Variants in CDH18 observed in about 807,000 individuals in gnomAD.
CDH18 encodes the protein cadherin-18.
CDH18 carries 31 observed loss-of-function variants against 67.9 expected under a neutral mutation model. That is an observed-to-expected ratio of 0.46 (90% confidence interval 0.34 to 0.62). The LOEUF (loss-of-function observed/expected upper bound fraction) is 0.62, where lower values mean the gene tolerates loss of function less well. Ranked by LOEUF, CDH18 falls within the 20% of genes least tolerant of loss-of-function variation. The pLI is 0.01. For missense variants in CDH18, 890 were observed against 975.5 expected, an observed-to-expected ratio of 0.91 and a Z score of 1.17; for synonymous variants, 362 against 347.2, an observed-to-expected ratio of 1.04 and a Z score of -0.48.
chr5:20,451,049 A>G (rs1750406814), intron 1 of CDH18, among the ~76,000 whole-genome samples: 1 of 152,186 alleles, frequency 6.6e-6, no homozygotes, highest in African/African-American at 2.4e-5. Flanking sequence ...GGTCCCTCCA[A>G]TGACGTGAGA....
intron 2 of CDH18, among the ~76,000 whole-genome samples, chr5:19,881,826 C>T (rs547158101): frequency 2.0e-4 from 30 of 152,126 alleles, no homozygotes; most frequent in African/African-American, 6.7e-4. Context: ...TTTGAATTAC[C>T]TTTATTATTC....
intron 1 of CDH18, among the ~76,000 whole-genome samples, chr5:20,512,124 G>C (rs892986722): frequency 6.6e-6 from 1 of 152,076 alleles, no homozygotes; most frequent in Admixed American, 6.5e-5. Context: ...TCGGGAGGCT[G>C]AGGCAGGAGA....
At chr5:19,553,468 CT>C (rs1277954876) in intron 8 of CDH18, among the ~76,000 whole-genome samples, 13 of 151,552 alleles carry the variant, frequency 8.6e-5, no homozygotes, top group African/African-American at 2.9e-4. Context: ...TCAGTTGTCA[CT>C]TTGTAAATAT....
At chr5:20,230,289 A>T (rs577764795) in intron 2 of CDH18, among the ~76,000 whole-genome samples, 1 of 152,098 alleles carries the variant, frequency 6.6e-6, no homozygotes, top group Non-Finnish European at 1.5e-5. Context: ...CTCATCATCC[A>T]CTAAACTCCT....
chr5:19,908,983 G>A (rs1790831404), intron 2 of CDH18, among the ~76,000 whole-genome samples: 1 of 152,152 alleles, frequency 6.6e-6, no homozygotes, highest in Admixed American at 6.5e-5. Flanking sequence ...TTTTGGGCCA[G>A]CCACAGGACC....
chr5:19,902,666 AG>A (rs1318089662), intron 2 of CDH18, among the ~76,000 whole-genome samples: 1 of 152,202 alleles, frequency 6.6e-6, no homozygotes, highest in Non-Finnish European at 1.5e-5. Flanking sequence ...CCCTCTGAAA[AG>A]GTGTGAGATA....
intron 1 of CDH18, among the ~76,000 whole-genome samples, chr5:20,334,729 ATCTCTCTC>A (rs766458176): frequency 7.7e-6 from 1 of 129,696 alleles, no homozygotes; most frequent in East Asian, 2.7e-4. Flanking sequence ...GAGTGCTATG[ATCTCTCTC>A]TCTCTCTCTC....
chr5:19,745,105 T>C (rs1247531144), intron 4 of CDH18, among the ~76,000 whole-genome samples: 1 of 152,218 alleles, frequency 6.6e-6, no homozygotes, highest in Non-Finnish European at 1.5e-5. Flanking sequence ...TCCCACAATA[T>C]CCACAATTTT....
intron 1 of CDH18, among the ~76,000 whole-genome samples, chr5:20,370,987 A>C (rs2150084634): frequency 6.6e-6 from 1 of 151,508 alleles, no homozygotes. Context: ...CAGTGAGCTG[A>C]GATCGCACCA....
intron 1 of CDH18, among the ~76,000 whole-genome samples, chr5:20,564,260 T>TTTTATTTATTTATTTA (rs3039398): frequency 0.28 from 39,054 of 141,392 alleles, 6,198 homozygotes; most frequent in Non-Finnish European, 0.35. Flanking sequence ...ATTATCACAG[T>TTTTATTTATTTATTTA]TTTATTTATT....
At chr5:20,009,940 T>C (rs1234348689) in intron 2 of CDH18, among the ~76,000 whole-genome samples, 1 of 152,132 alleles carries the variant, frequency 6.6e-6, no homozygotes, top group African/African-American at 2.4e-5. Flanking sequence ...CTATTTTCTT[T>C]CTTTATGTCT....
chr5:20,201,197 T>C (rs1435770791), intron 2 of CDH18, among the ~76,000 whole-genome samples: 1 of 151,932 alleles, frequency 6.6e-6, no homozygotes, highest in Non-Finnish European at 1.5e-5. Context: ...GATGCATTAC[T>C]CCAATCTCTG....
intron 2 of CDH18, among the ~76,000 whole-genome samples, chr5:20,055,321 A>G (rs1741808679): frequency 6.6e-6 from 1 of 152,240 alleles, no homozygotes. Context: ...TAAGTTTGGC[A>G]GCCGTGCAAA....
chr5:20,544,741 G>C (rs762575686), intron 1 of CDH18, among the ~76,000 whole-genome samples: 1 of 152,118 alleles, frequency 6.6e-6, no homozygotes, highest in Non-Finnish European at 1.5e-5. Flanking sequence ...ATGAGATTTG[G>C]GTGGGGACAC....
At chr5:19,573,804 G>A (rs1033741474) in intron 7 of CDH18, among the ~76,000 whole-genome samples, 8 of 152,076 alleles carry the variant, frequency 5.3e-5, no homozygotes, top group Middle Eastern at 3.2e-3. Context: ...AGTCAGAATC[G>A]TGCATCCTGC....
At chr5:19,909,224 G>C (rs1353853327) in intron 2 of CDH18, among the ~76,000 whole-genome samples, 1 of 151,794 alleles carries the variant, frequency 6.6e-6, no homozygotes, top group East Asian at 1.9e-4. Context: ...AAGTGTCCTT[G>C]GCACCTAAAT....
chr5:19,921,372 A>T (rs1454204717), intron 2 of CDH18, among the ~76,000 whole-genome samples: 1 of 152,092 alleles, frequency 6.6e-6, no homozygotes, highest in African/African-American at 2.4e-5. Flanking sequence ...TCTACTAAAA[A>T]TACAAATAAT....
At chr5:20,296,248 GT>G (rs1747509156) in intron 1 of CDH18, among the ~76,000 whole-genome samples, 1 of 145,606 alleles carries the variant, frequency 6.9e-6, no homozygotes, top group African/African-American at 2.5e-5. Context: ...TTGTTTGTTT[GT>G]TTTTGTTTTT....
At chr5:20,357,346 A>T (rs1395894579) in intron 1 of CDH18, among the ~76,000 whole-genome samples, 1 of 152,160 alleles carries the variant, frequency 6.6e-6, no homozygotes, top group East Asian at 1.9e-4. Flanking sequence ...AAAATTAGCT[A>T]AATAACCAAT....
Sources: gnomAD v4.1 joint callset for allele counts (sites outside exome capture counted in the v4.1 genomes callset) on GRCh38, gnomAD v4.1.1 for gene constraint, MANE v1.5 for transcripts, NCBI Gene and HGNC (gene_info 2026-07-23, HGNC 2026-07-21) for gene names.